Variants in GLI2 observed in about 807,000 individuals in gnomAD.
GLI2 encodes the protein GLI family zinc finger 2, also known as transcription activator GLI2.
A neutral mutation model predicts 78.9 loss-of-function variants in GLI2; 22 were observed. That is an observed-to-expected ratio of 0.28 (90% CI 0.20 to 0.40). GLI2 has a LOEUF of 0.40. Among genes scored for constraint, GLI2 ranks in the 10% least tolerant of loss-of-function variants. The pLI is 1.00. For missense variants in GLI2, 2,097 were observed against 2,213.2 expected (o/e 0.95, Z 1.05); for synonymous variants, 974 against 963.7 (o/e 1.01, Z -0.20).
chr2:120,794,589 C>G (rs1684298318), intron 1 of GLI2, among the ~76,000 whole-genome samples: 1 of 151,996 alleles, frequency 6.6e-6, no homozygotes, highest in Non-Finnish European at 1.5e-5. Context: ...CGTGCGAGTG[C>G]TGGGGGGTGT....
chr2:120,888,382 C>T (rs781278084), intron 2 of GLI2, among the ~76,000 whole-genome samples: 1 of 152,230 alleles, frequency 6.6e-6, no homozygotes, highest in Non-Finnish European at 1.5e-5. Context: ...TCAATCTCAT[C>T]GTCCCCGAGC....
chr2:120,812,276 C>T (rs527460677), intron 2 of GLI2, among the ~76,000 whole-genome samples: 90 of 152,302 alleles, frequency 5.9e-4, no homozygotes, highest in Admixed American at 2.2e-3. Flanking sequence ...ACACACATGT[C>T]GCGGCCCGGT....
chr2:120,796,046 AAAACAAAC>A lies in GLI2; in HGVS notation c.-30-1225_-30-1218del, dbSNP rs549499204. On this transcript the variant is annotated intron_variant, in intron 1 of 13. Transcript: ENST00000361492. ...GCAACAAGAGTGAGACTCCAGCTCAAAAACAAACAAACAAACAAACAAACAAAAACAAA... is the reference window on the plus strand; with the variant it reads ...GCAACAAGAGTGAGACTCCAGCTCAAAAACAAACAAACAAACAAAAACAAA... Among the ~76,000 whole-genome samples the A allele has an allele frequency of 3.3e-3, 508 of 152,258 alleles. 1 individual carries two copies. The highest frequency in any genetic ancestry group is 0.012 in the African/African-American group (482 of 41,554).
intron 2 of GLI2, among the ~76,000 whole-genome samples, chr2:120,875,452 G>A (rs561307417): frequency 2.0e-5 from 3 of 152,352 alleles, no homozygotes; most frequent in Admixed American, 1.3e-4. Context: ...TCTCCGTGGG[G>A]AAATGGCCCT....
chr2:120,913,988 A>G (rs57160108), intron 2 of GLI2, among the ~76,000 whole-genome samples: 6,221 of 152,330 alleles, frequency 0.041, 164 homozygotes, highest in African/African-American at 0.07. Context: ...AAGCCAGATC[A>G]AGAAACCTCT....
intron 1 of GLI2, among the ~76,000 whole-genome samples, chr2:120,742,760 A>T (rs1423068514): frequency 2.0e-5 from 3 of 151,762 alleles, no homozygotes; most frequent in Admixed American, 6.6e-5. Context: ...TGAGCTCATG[A>T]TTTCTTTTCA....
Position 120,771,046 on chromosome 2 carries a change from C to T in GLI2, c.-30-26245C>T, listed in dbSNP as rs191739619. On this transcript the variant is annotated intron_variant, in intron 1 of 13. Coordinates refer to ENST00000361492, the MANE Select transcript of GLI2 (RefSeq NM_001374353.1). Reference sequence around the variant, plus strand: ...CTGGCTGCCTGTGGCTCTGTGGCAGCGAATCAGAGACTTTTGGAAAGCCTG... The same window carrying T: ...CTGGCTGCCTGTGGCTCTGTGGCAGTGAATCAGAGACTTTTGGAAAGCCTG... Among the ~76,000 whole-genome samples, 27 of 152,328 alleles carry T rather than the reference C, an allele frequency of 1.8e-4. No individual in the cohort carries two copies. The East Asian group carries it at 4.6e-3, about 26-fold the overall frequency.
chr2:120,841,456 A>G (rs1297900389), intron 2 of GLI2, among the ~76,000 whole-genome samples: 7 of 152,198 alleles, frequency 4.6e-5, no homozygotes, highest in Admixed American at 4.6e-4. Context: ...ACACTTGACC[A>G]TTTTGTGAAC....
At chr2:120,746,324 G>T (rs1682691982) in intron 1 of GLI2, among the ~76,000 whole-genome samples, 2 of 152,218 alleles carry the variant, frequency 1.3e-5, no homozygotes, top group Admixed American at 6.5e-5. Flanking sequence ...CCAGACCAGT[G>T]CCTGGCCGTG....
At chr2:120,954,245 G>A (rs1681132198) in intron 4 of GLI2, among the ~76,000 whole-genome samples, 1 of 152,186 alleles carries the variant, frequency 6.6e-6, no homozygotes, top group African/African-American at 2.4e-5. Flanking sequence ...GCCAGACCAT[G>A]TGTGACTGGG....
chr2:120,809,446 G>C (rs916416494), intron 2 of GLI2, among the ~76,000 whole-genome samples: 1 of 152,218 alleles, frequency 6.6e-6, no homozygotes, highest in Non-Finnish European at 1.5e-5. Flanking sequence ...AGTGGTGATG[G>C]TTGCAACAGC....
rs532788842 is a variant in GLI2 at position 120,837,083 on chromosome 2, G to T, written c.148+39615G>T. On this transcript the variant is annotated intron_variant, in intron 2 of 13. Transcript: ENST00000361492. ...TGTGTTTTCCTGAAAGTACTTTTAA[G>T]AGATACTAATCTTAAAAATCTTAAT... is the stretch of plus-strand genomic sequence containing the variant. Among the ~76,000 whole-genome samples, 21 of 152,274 alleles carry T rather than the reference G, an allele frequency of 1.4e-4. No individual in the cohort carries two copies. The South Asian group carries it at 4.4e-3, about 32-fold the overall frequency.
chr2:120,943,917 C>T (rs1680581472), intron 3 of GLI2, among the ~76,000 whole-genome samples: 1 of 152,168 alleles, frequency 6.6e-6, no homozygotes, highest in African/African-American at 2.4e-5. Context: ...TCTCTCACAC[C>T]TTAAGGAACA....
intron 2 of GLI2, among the ~76,000 whole-genome samples, chr2:120,847,976 T>C (rs1302599146): frequency 1.3e-5 from 2 of 152,110 alleles, no homozygotes; most frequent in African/African-American, 4.8e-5. Flanking sequence ...TATCTTTTAT[T>C]AAAGGCAGGC....
intron 1 of GLI2, among the ~76,000 whole-genome samples, chr2:120,776,227 T>C (rs543377064): frequency 6.6e-6 from 1 of 152,322 alleles, no homozygotes; most frequent in African/African-American, 2.4e-5. Flanking sequence ...GCACCGGACA[T>C]GTTGTTCCCG....
chr2:120,928,062 G>C (rs1005124237), intron 3 of GLI2, among the ~76,000 whole-genome samples: 3 of 152,018 alleles, frequency 2.0e-5, no homozygotes, highest in African/African-American at 7.3e-5. Context: ...GTCATTTCTT[G>C]GCCTTTAGGG....
chr2:120,815,327 A>G (rs1193613633), intron 2 of GLI2, among the ~76,000 whole-genome samples: 2 of 152,196 alleles, frequency 1.3e-5, no homozygotes, highest in African/African-American at 4.8e-5. Flanking sequence ...CTCAGCCTTT[A>G]TGGCGCCACA....
rs960752041 is a variant in GLI2, at chr2:120,737,627, C to T, written c.-31+1342C>T. On this transcript the variant is annotated intron_variant, in intron 1 of 13. Coordinates refer to ENST00000361492, the MANE Select transcript of GLI2 (RefSeq NM_001374353.1). This position sits in a 1 kb window ranked among gnomAD's most constrained non-coding sequence, Gnocchi z 4.3. Reference sequence around the variant, plus strand: ...GCAGCTCGGTGGCCGCAGCGGTGTCCCGGGCCCCCTCTCCGCCGCTCTTGC... The same window carrying T: ...GCAGCTCGGTGGCCGCAGCGGTGTCTCGGGCCCCCTCTCCGCCGCTCTTGC... Among the ~76,000 whole-genome samples, 2 of 152,044 alleles carry T rather than the reference C, an allele frequency of 1.3e-5. No individual in the cohort carries two copies. Among genetic ancestry groups the T allele is most frequent in the Admixed American group, 6.5e-5 (1 of 15,280 alleles).
intron 2 of GLI2, among the ~76,000 whole-genome samples, chr2:120,913,410 G>A (rs535720562): frequency 9.9e-5 from 15 of 152,182 alleles, no homozygotes; most frequent in South Asian, 2.1e-4. Flanking sequence ...TATTTTTGAC[G>A]TACTGGTTCA....
Sources: gnomAD v4.1 joint callset for allele counts (sites outside exome capture counted in the v4.1 genomes callset) on GRCh38, gnomAD v4.1.1 for gene constraint, Gnocchi (gnomAD v3.1) non-coding constraint, MANE v1.5 for transcripts, NCBI Gene and HGNC (gene_info 2026-07-23, HGNC 2026-07-21) for gene names.